Variants in FBXL17 observed in about 807,000 individuals in gnomAD.
The protein encoded by FBXL17 is F-box/LRR-repeat protein 17.
In FBXL17, 22 loss-of-function variants were observed where a neutral mutation model predicts 66.2. The ratio of observed to expected loss-of-function variants is 0.33; its 90% confidence interval spans 0.24 to 0.47. The LOEUF is 0.47. FBXL17 is among the 20% of genes least tolerant of loss of function. The pLI is 1.00. For synonymous variants in FBXL17, 474 were observed against 400.5 expected (o/e 1.18, Z -2.19); for missense variants, 878 against 948.2 (o/e 0.93, Z 0.97).
chr5:107,873,981 A>T (rs1748536265), intron 8 of FBXL17, among the ~76,000 whole-genome samples: 1 of 152,234 alleles, frequency 6.6e-6, no homozygotes. Context: ...TACTTGCAGC[A>T]CGTTCCCTTA....
chr5:108,061,149 T>G (rs1349447126), intron 6 of FBXL17, among the ~76,000 whole-genome samples: 1 of 151,974 alleles, frequency 6.6e-6, no homozygotes, highest in East Asian at 1.9e-4. Context: ...TAGCCAGGCA[T>G]AGTGGTGCAT....
At chr5:107,888,167 C>G (rs928683865) in intron 7 of FBXL17, among the ~76,000 whole-genome samples, 2 of 151,886 alleles carry the variant, frequency 1.3e-5, no homozygotes, top group East Asian at 3.9e-4. Flanking sequence ...AAACATTTTC[C>G]TTTTCTTCAT....
chr5:108,250,634 A>G (rs915989333), intron 4 of FBXL17, among the ~76,000 whole-genome samples: 2 of 152,150 alleles, frequency 1.3e-5, no homozygotes, highest in African/African-American at 4.8e-5. Flanking sequence ...TTTAAAAAAT[A>G]AACACAGTAA....
intron 7 of FBXL17, among the ~76,000 whole-genome samples, chr5:107,987,094 C>A (rs1386534132): frequency 6.6e-6 from 1 of 151,894 alleles, no homozygotes; most frequent in Non-Finnish European, 1.5e-5. Flanking sequence ...TGAAAATGAA[C>A]TAGCTCCTTT....
At chr5:107,911,241 A>C (rs1157303879) in intron 7 of FBXL17, among the ~76,000 whole-genome samples, 1 of 152,070 alleles carries the variant, frequency 6.6e-6, no homozygotes, top group African/African-American at 2.4e-5. Flanking sequence ...GATATATGAA[A>C]ATTTTTATAA....
chr5:108,010,406 G>C (rs1026163513), intron 7 of FBXL17, among the ~76,000 whole-genome samples: 1 of 152,134 alleles, frequency 6.6e-6, no homozygotes, highest in African/African-American at 2.4e-5. Context: ...TGAGTATTGG[G>C]TACAAGAAAC....
At chr5:108,362,417 G>A (rs1748401227) in intron 3 of FBXL17, among the ~76,000 whole-genome samples, 1 of 151,986 alleles carries the variant, frequency 6.6e-6, no homozygotes, top group African/African-American at 2.4e-5. Context: ...TTGTTTACTG[G>A]CAAGTGCTAG....
intron 6 of FBXL17, among the ~76,000 whole-genome samples, chr5:108,140,167 T>G (rs1014333090): frequency 6.6e-6 from 1 of 152,154 alleles, no homozygotes; most frequent in African/African-American, 2.4e-5. Flanking sequence ...TGCCTCATCC[T>G]GCCAAGTAGT....
chr5:108,214,071 C>A (rs1698491713), intron 5 of FBXL17, among the ~76,000 whole-genome samples: 2 of 152,166 alleles, frequency 1.3e-5, no homozygotes, highest in Admixed American at 6.5e-5. Flanking sequence ...GGTGGGGAGA[C>A]CACACTCACA....
intron 1 of FBXL17, among the ~76,000 whole-genome samples, chr5:108,370,774 T>C (rs1316659846): frequency 1.3e-5 from 2 of 150,948 alleles, no homozygotes; most frequent in South Asian, 2.1e-4. Context: ...TGAAAGTCAC[T>C]AGCGAATTTG....
intron 6 of FBXL17, among the ~76,000 whole-genome samples, chr5:108,127,028 C>G (rs1750743869): frequency 6.6e-6 from 1 of 152,030 alleles, no homozygotes; most frequent in African/African-American, 2.4e-5. Context: ...TCAAATCAGA[C>G]TATATTTACT....
At chr5:108,021,355 T>A (rs1754594157) in intron 6 of FBXL17, among the ~76,000 whole-genome samples, 1 of 149,884 alleles carries the variant, frequency 6.7e-6, no homozygotes, top group African/African-American at 2.4e-5. Flanking sequence ...TATAGATAGA[T>A]CGTTATTATA....
intron 4 of FBXL17, among the ~76,000 whole-genome samples, chr5:108,293,012 C>T (rs1049237965): frequency 5.3e-5 from 8 of 150,254 alleles, no homozygotes; most frequent in Non-Finnish European, 1.2e-4. Flanking sequence ...GGCGTGAACC[C>T]GGGAGGCGGA....
At chr5:108,159,796 A>C (rs1288194449) in intron 6 of FBXL17, among the ~76,000 whole-genome samples, 1 of 152,194 alleles carries the variant, frequency 6.6e-6, no homozygotes, top group African/African-American at 2.4e-5. Flanking sequence ...CATTTCTATC[A>C]TATTTTCTTA....
intron 3 of FBXL17, among the ~76,000 whole-genome samples, chr5:108,359,838 CTTTG>C (rs1427782322): frequency 1.3e-5 from 2 of 151,992 alleles, no homozygotes; most frequent in Non-Finnish European, 2.9e-5. Context: ...TCCTCTGCTT[CTTTG>C]TTAATCTTCT....
At chr5:108,078,791 G>T (rs532765309) in intron 6 of FBXL17, among the ~76,000 whole-genome samples, 1 of 152,216 alleles carries the variant, frequency 6.6e-6, no homozygotes, top group South Asian at 2.1e-4. Context: ...CATTCTTTCT[G>T]TAACCTCAAG....
rs140018282 is a variant in FBXL17, at chr5:107,995,697, C to T, written c.1822+25228G>A. On this transcript the variant is annotated intron_variant, in intron 7 of 8. Coordinates refer to ENST00000542267, the MANE Select transcript of FBXL17 (RefSeq NM_001163315.3). ...ATTTATGCTTAGAAATTCAAGTAAT[C>T]TGGCCTCATTTAATGATGTTATGAA... 2.4e-3 allele frequency among the ~76,000 whole-genome samples: 372 copies of T among 151,972 alleles called. 3 individuals are homozygous for T. The highest frequency in any genetic ancestry group is 0.014 in the Middle Eastern group (4 of 294).
intron 7 of FBXL17, among the ~76,000 whole-genome samples, chr5:107,931,591 T>C (rs1750740027): frequency 6.6e-6 from 1 of 152,110 alleles, no homozygotes; most frequent in African/African-American, 2.4e-5. Flanking sequence ...TACAGGTATC[T>C]TTCTACTTTA....
chr5:108,096,861 G>T (rs1239567197), intron 6 of FBXL17, among the ~76,000 whole-genome samples: 1 of 152,210 alleles, frequency 6.6e-6, no homozygotes, highest in Non-Finnish European at 1.5e-5. Flanking sequence ...CCTGCTTTGG[G>T]CTTTGCACTG....
Sources: allele counts gnomAD v4.1 joint callset (sites outside exome capture counted in the v4.1 genomes callset), GRCh38; gene constraint gnomAD v4.1.1; transcripts MANE v1.5; gene names NCBI Gene and HGNC (gene_info 2026-07-23, HGNC 2026-07-21).